Variants in ATP2C1 observed in about 807,000 individuals in gnomAD.
The protein encoded by ATP2C1 is calcium-transporting ATPase type 2C member 1.
A neutral mutation model predicts 120.5 loss-of-function variants in ATP2C1; 31 were observed. That is an observed-to-expected ratio of 0.26 (90% CI 0.19 to 0.35). The LOEUF (loss-of-function observed/expected upper bound fraction) is 0.35, where lower values mean the gene tolerates loss of function less well. Ranked by LOEUF, ATP2C1 falls within the 10% of genes least tolerant of loss-of-function variation. The pLI is 1.00. For missense variants in ATP2C1, 731 were observed against 1,107.5 expected, an observed-to-expected ratio of 0.66 and a Z score of 4.83; for synonymous variants, 351 against 358.7, an observed-to-expected ratio of 0.98 and a Z score of 0.24.
chr3:130,910,037 G>A (rs1172068447), intron 2 of ATP2C1, among the ~76,000 whole-genome samples: 2 of 152,160 alleles, frequency 1.3e-5, no homozygotes, highest in African/African-American at 4.8e-5. Context: ...TTTCTCATAA[G>A]TATACGTGTA....
intron 1 of ATP2C1, among the ~76,000 whole-genome samples, chr3:130,882,808 TAG>T (rs2107824221): frequency 6.6e-6 from 1 of 152,342 alleles, no homozygotes; most frequent in East Asian, 1.9e-4. Flanking sequence ...CACCAGCCTG[TAG>T]ATTTTTTTTT....
Position 130,996,092 on chromosome 3 carries a change from G to A in ATP2C1, c.2107G>A (p.Val703Ile), listed in dbSNP as rs755225326. The A allele has an allele frequency of 2.3e-5, 37 of 1,611,426 alleles. No homozygotes were observed. The highest frequency in any genetic ancestry group is 2.8e-5 in the Non-Finnish European group (33 of 1,177,868). ...GATTTATAATAACATTAAAAATTTC[G>A]TTAGATTCCAGCTGAGCACGTAAGT... ...KGIYNNIKNFVRFQLSTSIAA... is the reference protein window; with the variant it reads ...KGIYNNIKNFIRFQLSTSIAA... Residue 703 changes from valine (V) to isoleucine (I), a missense_variant, in exon 23 of 28, where the codon GTT (valine) becomes ATT (isoleucine). Val to Ile is a conservative substitution (Grantham distance 29). Coordinates refer to ENST00000510168, the MANE Select transcript of ATP2C1 (RefSeq NM_001378687.1).
At chr3:130,926,905 A>G (rs2059234336) in intron 2 of ATP2C1, among the ~76,000 whole-genome samples, 1 of 152,240 alleles carries the variant, frequency 6.6e-6, no homozygotes, top group Non-Finnish European at 1.5e-5. Flanking sequence ...GCAAGTACAC[A>G]TAGTAGGAAT....
intron 2 of ATP2C1, among the ~76,000 whole-genome samples, chr3:130,904,377 C>G (rs1279277932): frequency 6.6e-6 from 1 of 151,764 alleles, no homozygotes; most frequent in Non-Finnish European, 1.5e-5. Flanking sequence ...ATAAATGTTA[C>G]TGACACTTTT....
intron 2 of ATP2C1, chr3:130,927,969 A>G (rs181366826): frequency 1.9e-5 from 3 of 154,362 alleles, no homozygotes; most frequent in East Asian, 1.9e-4. Context: ...GTATCTGTTT[A>G]TGTTCCCATT....
At chr3:130,918,007 TTG>T (rs2058761155) in intron 2 of ATP2C1, among the ~76,000 whole-genome samples, 1 of 152,078 alleles carries the variant, frequency 6.6e-6, no homozygotes, top group Non-Finnish European at 1.5e-5. Flanking sequence ...TTTATTTAAA[TTG>T]TAAAAGAAAT....
downstream of ATP2C1, among the ~76,000 whole-genome samples, chr3:131,006,006 A>G (rs908642797): frequency 1.1e-4 from 16 of 152,196 alleles, no homozygotes; most frequent in African/African-American, 2.4e-5. Context: ...AGCTTAAGGT[A>G]TGCCACGTAA....
At chr3:130,874,411 C>T (rs907523921) in intron 1 of ATP2C1, among the ~76,000 whole-genome samples, 5 of 152,216 alleles carry the variant, frequency 3.3e-5, no homozygotes, top group African/African-American at 7.2e-5. Context: ...TGATTAACAT[C>T]GCCTTTAACA....
intron 2 of ATP2C1, among the ~76,000 whole-genome samples, chr3:130,901,892 A>T (rs1389341101): frequency 6.6e-6 from 1 of 151,962 alleles, no homozygotes; most frequent in Non-Finnish European, 1.5e-5. Flanking sequence ...ATGTTTAGAG[A>T]AATGCTGGGT....
chr3:130,958,323 A>G (rs1184983454), intron 11 of ATP2C1, among the ~76,000 whole-genome samples: 2 of 152,140 alleles, frequency 1.3e-5, no homozygotes, highest in African/African-American at 4.8e-5. Context: ...GCATGAAAGC[A>G]ATCATAGAAA....
At chr3:130,973,595 G>A (rs557245031) in intron 17 of ATP2C1, among the ~76,000 whole-genome samples, 5 of 152,230 alleles carry the variant, frequency 3.3e-5, no homozygotes, top group Admixed American at 2.6e-4. Flanking sequence ...GATGTCCTTG[G>A]CAGGACAGAG....
chr3:130,887,964 T>C (rs1446879432), intron 1 of ATP2C1, among the ~76,000 whole-genome samples: 1 of 152,074 alleles, frequency 6.6e-6, no homozygotes, highest in Non-Finnish European at 1.5e-5. Flanking sequence ...CGTCTCAGAG[T>C]CTCACCCAAG....
chr3:130,855,721 T>A (rs1378700197), intron 1 of ATP2C1, among the ~76,000 whole-genome samples: 1 of 152,178 alleles, frequency 6.6e-6, no homozygotes, highest in African/African-American at 2.4e-5. Context: ...GAATAGGTGA[T>A]GCCTGAGGGT....
At chr3:130,948,866 G>A (rs2060255365) in intron 8 of ATP2C1, among the ~76,000 whole-genome samples, 1 of 152,050 alleles carries the variant, frequency 6.6e-6, no homozygotes, top group African/African-American at 2.4e-5. Flanking sequence ...GGTGATCTGT[G>A]ATCAGTGATC....
chr3:130,879,884 T>A (rs1266687494), intron 1 of ATP2C1, among the ~76,000 whole-genome samples: 3 of 152,224 alleles, frequency 2.0e-5, no homozygotes, highest in African/African-American at 7.2e-5. Flanking sequence ...TGGATGGGGA[T>A]GCCAGGTGAG....
chr3:130,991,513 A>T (rs1006521155), intron 20 of ATP2C1, among the ~76,000 whole-genome samples: 1 of 152,120 alleles, frequency 6.6e-6, no homozygotes, highest in African/African-American at 2.4e-5. Context: ...GCTGCACTTT[A>T]CCATCAGTAT....
chr3:130,916,925 C>T (rs1189758860), intron 2 of ATP2C1, among the ~76,000 whole-genome samples: 3 of 152,092 alleles, frequency 2.0e-5, no homozygotes, highest in Non-Finnish European at 4.4e-5. Flanking sequence ...ATTTCACTTC[C>T]CTGATTATAT....
chr3:130,902,723 G>T (rs542954202), intron 2 of ATP2C1, among the ~76,000 whole-genome samples: 12 of 151,964 alleles, frequency 7.9e-5, no homozygotes, highest in African/African-American at 2.4e-4. Flanking sequence ...CCCCCCCGAA[G>T]TCAGAACTCT....
At chr3:130,967,843 TTCTC>T (rs1234238547) in intron 16 of ATP2C1, among the ~76,000 whole-genome samples, 3 of 152,208 alleles carry the variant, frequency 2.0e-5, no homozygotes, top group Non-Finnish European at 4.4e-5. Context: ...AGTCTTTCCT[TTCTC>T]TCCTTTGTTA....
Sources: allele counts gnomAD v4.1 joint callset (sites outside exome capture counted in the v4.1 genomes callset), GRCh38; gene constraint gnomAD v4.1.1; transcripts MANE v1.5; gene names NCBI Gene and HGNC (gene_info 2026-07-23, HGNC 2026-07-21).